Variants in GSTA3 observed in about 807,000 individuals in gnomAD.
GSTA3 encodes the protein glutathione S-transferase A3.
GSTA3 carries 16 observed loss-of-function variants against 23.1 expected under a neutral mutation model. The observed-to-expected ratio is 0.69, with a 90% confidence interval of 0.47 to 1.05. GSTA3 has a LOEUF of 1.05. Among genes scored for constraint, GSTA3 ranks in the 50% least tolerant of loss-of-function variants. GSTA3 has a pLI of 0.00. For synonymous variants in GSTA3, 122 were observed against 91.0 expected, an observed-to-expected ratio of 1.34 and a Z score of -1.94; for missense variants, 319 against 263.6, an observed-to-expected ratio of 1.21 and a Z score of -1.46.
In GSTA3 at chr6:52,897,973, A is replaced by G. The variant is rs776740158; in HGVS notation, c.415-17T>C. On this transcript the variant is annotated splice_polypyrimidine_tract_variant and intron_variant, in intron 5 of 6. Transcript: ENST00000211122. The stretch of plus-strand genomic sequence containing the variant: ...CTGTAACACCTGGAGAATTTGAGGA[A>G]TCAGATCAGGAATACATGCGCACCC... 20 of 1,613,736 alleles carry G rather than the reference A, an allele frequency of 1.2e-5. No individual in the cohort carries two copies. The highest frequency in any genetic ancestry group is 6.7e-5 in the East Asian group (3 of 44,886).
Position 52,902,394 on chromosome 6 carries a change from A to T in GSTA3, c.224T>A (p.Ile75Asn). Reference protein sequence around the residue: ...LVQTRAILNYIASKYNLYGKD... With the variant: ...LVQTRAILNYNASKYNLYGKD... ...CCCGTAGAGGTTGTATTTGCTGGCAATGTAGTTGAGAATGGCTCTGGTCTG... is the reference window on the plus strand; with the variant it reads ...CCCGTAGAGGTTGTATTTGCTGGCATTGTAGTTGAGAATGGCTCTGGTCTG... The change falls in exon 4 of 7, where the codon ATT becomes AAT. Residue 75 changes from isoleucine (I) to asparagine (N), a missense_variant. Transcript: ENST00000211122. 1 of 1,614,068 alleles carries T rather than the reference A, an allele frequency of 6.2e-7. No homozygotes were observed. Among genetic ancestry groups the T allele is most frequent in the Non-Finnish European group, 8.5e-7 (1 of 1,179,936 alleles).
chr6:52,897,800 C>T (rs375901746), intron 6 of GSTA3, 25 bp downstream of exon 6: 3 of 1,612,750 alleles, frequency 1.9e-6, no homozygotes, highest in Non-Finnish European at 2.5e-6. Flanking sequence ...GGGGCTGTCT[C>T]TCTGAGGGCT....
At chr6:52,909,343 C>T (rs1765993187) in intron 1 of GSTA3, among the ~76,000 whole-genome samples, 1 of 152,160 alleles carries the variant, frequency 6.6e-6, no homozygotes, top group South Asian at 2.1e-4. Context: ...CCATAAGCAA[C>T]CTTTGGCATG....
At chr6:52,900,188 T>C in intron 4 of GSTA3, 113 bp from the exon 5 acceptor site, 1 of 786,572 alleles carries the variant, frequency 1.3e-6, no homozygotes, top group Non-Finnish European at 2.0e-6. Context: ...TCATCTCCAT[T>C]GGGTGCCTTT....
intron 1 of GSTA3, among the ~76,000 whole-genome samples, chr6:52,908,125 A>C (rs45481901): frequency 0.021 from 3,181 of 150,540 alleles, 55 homozygotes; most frequent in Middle Eastern, 0.055. Context: ...GCTTTATAGG[A>C]TATAACATGG....
At chr6:52,909,186 C>A (rs1765988956) in intron 1 of GSTA3, among the ~76,000 whole-genome samples, 1 of 152,052 alleles carries the variant, frequency 6.6e-6, no homozygotes, top group South Asian at 2.1e-4. Context: ...AGGAATACGA[C>A]CATCCAGATG....
chr6:52,905,721 C>G (rs755321092), intron 2 of GSTA3, 27 bp downstream of exon 2: 1 of 1,343,812 alleles, frequency 7.4e-7, no homozygotes. Context: ...TTAGGTCCAA[C>G]TTAAGATGAC....
chr6:52,897,704 T>TG (rs1765503824), intron 6 of GSTA3, 121 bp downstream of exon 6: 2 of 1,088,300 alleles, frequency 1.8e-6, no homozygotes, highest in Non-Finnish European at 2.8e-6. Context: ...TTTGGAGACC[T>TG]GGGGGTACTG....
Position 52,905,783 on chromosome 6 carries a change from G to T in GSTA3, c.52C>A (p.Pro18Thr), listed in dbSNP as rs538201303. The change falls in exon 2 of 7, where the codon CCC becomes ACC. Residue 18 changes from proline to threonine, a missense_variant. By Grantham distance (38) the Pro-to-Thr change is conservative (BLOSUM62 -1). Transcript: ENST00000211122. ...HYFNGRGRMEPIRWLLAAAGV... is the reference protein window; with the variant it reads ...HYFNGRGRMETIRWLLAAAGV... ...GCTGCAGCCAAGAGCCACCGGATGG[G>T]CTCCATTCTGCCCCGTCCATTGAAG... 2 of 1,610,098 alleles carry T rather than the reference G, an allele frequency of 1.2e-6. No individual in the cohort carries two copies. Among genetic ancestry groups the T allele is most frequent in the East Asian group, 2.2e-5 (1 of 44,740 alleles).
chr6:52,898,020 CCT>C (rs1173373826), intron 5 of GSTA3, 64 bp from the exon 6 acceptor site: 35 of 1,588,570 alleles, frequency 2.2e-5, no homozygotes, highest in Non-Finnish European at 2.8e-5. Flanking sequence ...CCTGCTTCTC[CCT>C]GAGTCTTTCC....
chr6:52,899,895 T>C (rs979973906), intron 5 of GSTA3, 39 bp downstream of exon 5: 3 of 1,610,340 alleles, frequency 1.9e-6, no homozygotes, highest in Non-Finnish European at 8.5e-7. Context: ...TACTGGCCTC[T>C]AAACTCAGTG....
chr6:52,905,640 G>C, intron 2 of GSTA3, 108 bp downstream of exon 2: 1 of 590,318 alleles, frequency 1.7e-6, no homozygotes, highest in Non-Finnish European at 3.0e-6. Context: ...GCTTTTATTT[G>C]AGGCCAAAAT....
chr6:52,906,915 T>C (rs1266633351), intron 1 of GSTA3, among the ~76,000 whole-genome samples: 3 of 150,902 alleles, frequency 2.0e-5, no homozygotes, highest in Admixed American at 1.3e-4. Context: ...AAGGACTTCA[T>C]GTCTAAAACA....
In GSTA3 at chr6:52,902,459, C is replaced by T. The variant is rs778820549; in HGVS notation, c.159G>A (p.Gln53=). 8 of 1,611,052 alleles carry T rather than the reference C, an allele frequency of 5.0e-6. No individual in the cohort carries two copies. Among genetic ancestry groups the T allele is most frequent in the Non-Finnish European group, 5.1e-6 (6 of 1,179,334 alleles). The change falls in exon 4 of 7, where the codon CAG becomes CAA. Residue 53 remains glutamine (Q), a synonymous_variant. Coordinates refer to ENST00000211122, the MANE Select transcript of GSTA3 (RefSeq NM_000847.5). ...CATCAATCTCAACCATTGGTACTTGCTGGAACATCAAACTCCCATCTTTAG... is the reference window on the plus strand; with the variant it reads ...CATCAATCTCAACCATTGGTACTTGTTGGAACATCAAACTCCCATCTTTAG... The part of the protein sequence containing the change: ...KLRNDGSLMF[Q]QVPMVEIDGM...
chr6:52,907,611 G>A, intron 1 of GSTA3, among the ~76,000 whole-genome samples: 1 of 151,428 alleles, frequency 6.6e-6, no homozygotes, highest in East Asian at 1.9e-4. Flanking sequence ...AAGAAAATGT[G>A]GCACATATAC....
intron 6 of GSTA3, among the ~76,000 whole-genome samples, chr6:52,897,436 G>A (rs575081800): frequency 1.3e-5 from 2 of 152,336 alleles, no homozygotes; most frequent in South Asian, 4.1e-4. Context: ...ACCCTGGCCA[G>A]AGCCTAAGGA....
rs1766001677 is a variant in GSTA3, at chr6:52,909,621, T to C, written c.-22+20A>G. ...GTAGACATGAGAACATTTATGAAGA[T>C]GTTTAAGGTCAATACTAACTTGAGT... On this transcript the variant is annotated intron_variant, in intron 1 of 6. Coordinates refer to ENST00000211122, the MANE Select transcript of GSTA3 (RefSeq NM_000847.5). 6.6e-6 allele frequency: 1 copy of C among 152,234 alleles called. No individual in the cohort carries two copies. Among genetic ancestry groups the C allele is most frequent in the Non-Finnish European group, 1.5e-5 (1 of 68,040 alleles). 9.4% of individuals were successfully genotyped at this position (152,234 alleles called of 1,614,324 possible).
chr6:52,904,883 G>A (rs757716468), intron 2 of GSTA3, among the ~76,000 whole-genome samples: 2 of 152,094 alleles, frequency 1.3e-5, no homozygotes, highest in Non-Finnish European at 2.9e-5. Flanking sequence ...TTTTAACCAC[G>A]TGTTTTCTTA....
At chr6:52,903,843 T>C in intron 2 of GSTA3, 116 bp from the exon 3 acceptor site, 1 of 668,486 alleles carries the variant, frequency 1.5e-6, no homozygotes, top group East Asian at 2.7e-5. Flanking sequence ...ATTTCTGAGT[T>C]TGGCAGGGGA....
Sources: allele counts gnomAD v4.1 joint callset (sites outside exome capture counted in the v4.1 genomes callset), GRCh38; gene constraint gnomAD v4.1.1; transcripts MANE v1.5; gene names NCBI Gene and HGNC (gene_info 2026-07-23, HGNC 2026-07-21).